PHOSPHO1: variants seen among roughly 807,000 people sequenced by gnomAD.
The protein encoded by PHOSPHO1 is phosphoethanolamine/phosphocholine phosphatase 1.
In PHOSPHO1, 6 loss-of-function variants were observed where a neutral mutation model predicts 17.7. That is an observed-to-expected ratio of 0.34 (90% confidence interval 0.19 to 0.67). The LOEUF is 0.67. Among genes scored for constraint, PHOSPHO1 ranks in the 30% least tolerant of loss-of-function variants. The pLI, the probability that PHOSPHO1 is intolerant of heterozygous loss-of-function variation, is 0.69. For synonymous variants in PHOSPHO1, 159 were observed against 174.6 expected, an observed-to-expected ratio of 0.91 and a Z score of 0.71; for missense variants, 330 against 392.1, an observed-to-expected ratio of 0.84 and a Z score of 1.34.
In PHOSPHO1 at chr17:49,223,606, A is replaced by G. The variant is rs1473257914; in HGVS notation, c.*640T>C. The G allele has an allele frequency of 6.6e-6, 1 of 152,572 alleles. No individual in the cohort carries two copies. Among genetic ancestry groups the G allele is most frequent in the South Asian group, 2.1e-4 (1 of 4,828 alleles). 9.5% of individuals were successfully genotyped at this position (152,572 alleles called of 1,614,324 possible). ...TACTGGCTGTCCGGACCCGAGCCGGACGGTGCGCTACCTCGTACCACCACC... is the reference window on the plus strand; with the variant it reads ...TACTGGCTGTCCGGACCCGAGCCGGGCGGTGCGCTACCTCGTACCACCACC... On this transcript the variant is annotated 3_prime_UTR_variant, in exon 3 of 3. Coordinates refer to ENST00000310544, the MANE Select transcript of PHOSPHO1 (RefSeq NM_178500.4).
At chr17:49,226,166 C>T (rs2043354229) in intron 2 of PHOSPHO1, among the ~76,000 whole-genome samples, 1 of 152,092 alleles carries the variant, frequency 6.6e-6, no homozygotes, top group Non-Finnish European at 1.5e-5. Context: ...AGGTGACATG[C>T]AGCTTCCAGA....
In PHOSPHO1 at chr17:49,224,556, G is replaced by T. The variant is rs1598250621; in HGVS notation, c.494C>A (p.Thr165Lys). The change falls in exon 3 of 3, where the codon ACA (threonine) becomes AAA (lysine). Residue 165 changes from threonine to lysine, a missense_variant. By Grantham distance (78) the Thr-to-Lys change is moderately conservative. Coordinates refer to ENST00000310544, the MANE Select transcript of PHOSPHO1 (RefSeq NM_178500.4). Reference sequence around the variant, plus strand: ...GGCGGGGCAGCGCGCGCAGCTGTGTGTGTGGAACGGCCGCAGAGCCAGCAG... The same window carrying T: ...GGCGGGGCAGCGCGCGCAGCTGTGTTTGTGGAACGGCCGCAGAGCCAGCAG... The part of the protein sequence containing the change: ...RGLLALRPFH[T>K]HSCARCPANM... 1 of 1,566,210 alleles carries T rather than the reference G, an allele frequency of 6.4e-7. No individual in the cohort carries two copies. The highest frequency in any genetic ancestry group is 8.6e-7 in the Non-Finnish European group (1 of 1,161,158).
intron 2 of PHOSPHO1, chr17:49,225,885 A>G: frequency 8.5e-7 from 1 of 1,171,098 alleles, no homozygotes; most frequent in Non-Finnish European, 1.1e-6. Flanking sequence ...GAGAGGGCTG[A>G]GAGGAGGTCA....
At position 49,224,838 on chromosome 17, in the gene PHOSPHO1, T is replaced by C; in HGVS notation, c.212A>G (p.Tyr71Cys). 6.2e-7 allele frequency: 1 copy of C among 1,606,224 alleles called. No individual in the cohort carries two copies. Among genetic ancestry groups the C allele is most frequent in the Non-Finnish European group, 8.5e-7 (1 of 1,176,638 alleles). Residue 71 changes from tyrosine to cysteine, a missense_variant, in exon 3 of 3, where the codon TAC becomes TGC. By Grantham distance (194) the Tyr-to-Cys change is radical. Coordinates refer to ENST00000310544, the MANE Select transcript of PHOSPHO1 (RefSeq NM_178500.4). Reference sequence around the variant, plus strand: ...CAGGTACTTGAAGACGCGCTGCATGTACTCGTTGTAGAAGCCCTCGCGGTA... The same window carrying C: ...CAGGTACTTGAAGACGCGCTGCATGCACTCGTTGTAGAAGCCCTCGCGGTA... Reference protein sequence around the residue: ...ATYREGFYNEYMQRVFKYLGE... With the variant: ...ATYREGFYNECMQRVFKYLGE...
intron 2 of PHOSPHO1, chr17:49,225,867 G>C (rs997238310): frequency 8.4e-7 from 1 of 1,186,330 alleles, no homozygotes; most frequent in South Asian, 1.5e-5. Context: ...GACTTGGGGG[G>C]TGTGGAGGAG....
At chr17:49,230,178 C>A (rs1277859751) in intron 1 of PHOSPHO1, among the ~76,000 whole-genome samples, 1 of 152,124 alleles carries the variant, frequency 6.6e-6, no homozygotes, top group Non-Finnish European at 1.5e-5. Context: ...CTCTGGCGCA[C>A]CCCCGGCTGG....
chr17:49,225,511 A>C, intron 2 of PHOSPHO1: 2 of 1,229,440 alleles, frequency 1.6e-6, no homozygotes, highest in Non-Finnish European at 2.1e-6. Context: ...CAGTTTCCTC[A>C]TTCTCCTTTT....
intron 2 of PHOSPHO1, chr17:49,225,481 A>G (rs2143561982): frequency 1.0e-6 from 1 of 985,102 alleles, no homozygotes; most frequent in Non-Finnish European, 1.2e-6. Context: ...GAAACCAACC[A>G]CCCATCCACC....
chr17:49,224,589 G>A lies in PHOSPHO1; in HGVS notation c.461C>T (p.Ala154Val). The A allele has an allele frequency of 6.4e-7, 1 of 1,565,288 alleles. No individual in the cohort carries two copies. Among genetic ancestry groups the A allele is most frequent in the Middle Eastern group, 1.7e-4 (1 of 5,792 alleles). Residue 154 changes from alanine to valine, a missense_variant, in exon 3 of 3, where the codon GCG (alanine) becomes GTG (valine). Coordinates refer to ENST00000310544, the MANE Select transcript of PHOSPHO1 (RefSeq NM_178500.4). The stretch of plus-strand genomic sequence containing the variant: ...CGGCCGCAGAGCCAGCAGTCCCCGC[G>A]CATCCGGCCCCGACGGGTTGCTGAG... The part of the protein sequence containing the change: ...RILSNPSGPD[A>V]RGLLALRPFH...
chr17:49,229,439 C>T (rs1467830509), intron 1 of PHOSPHO1, among the ~76,000 whole-genome samples: 1 of 152,226 alleles, frequency 6.6e-6, no homozygotes, highest in Admixed American at 6.5e-5. Context: ...AATTCTGCAC[C>T]GGGTCACAGA....
chr17:49,225,925 G>T (rs927284141), intron 2 of PHOSPHO1: 5 of 1,087,272 alleles, frequency 4.6e-6, no homozygotes, highest in Non-Finnish European at 5.8e-6. Context: ...CAGACTGCTG[G>T]ACAGGAAGAC....
chr17:49,227,772 C>G lies in PHOSPHO1; in HGVS notation c.-67-1014G>C, dbSNP rs180741718. ...TCTTGCGGTACTCCCTCCCTCACAA[C>G]AACCAGACCACACATGTGTTAAATC... On this transcript the variant is annotated intron_variant, in intron 1 of 2. Coordinates refer to ENST00000310544, the MANE Select transcript of PHOSPHO1 (RefSeq NM_178500.4). Among the ~76,000 whole-genome samples the G allele has an allele frequency of 1.2e-4, 18 of 152,324 alleles. No individual in the cohort carries two copies. In the East Asian group the frequency reaches 3.5e-3, roughly 29 times the overall value.
rs1437579327 is a variant in PHOSPHO1, at chr17:49,224,453, G to C, written c.597C>G (p.Phe199Leu). 36 of 1,559,592 alleles carry C rather than the reference G, an allele frequency of 2.3e-5. No individual in the cohort carries two copies. The highest frequency in any genetic ancestry group is 2.8e-5 in the Non-Finnish European group (32 of 1,154,322). Residue 199 changes from phenylalanine (F) to leucine (L), a missense_variant, in exon 3 of 3, where the codon TTC (phenylalanine) becomes TTG (leucine). By Grantham distance (22) the Phe-to-Leu change is conservative. Transcript: ENST00000310544. ...AGTCGTTGGCGCCGTCGCCCACGTA[G>C]AAGAGGCGCTCGAAGTGCACGCCGT... ...AHDGVHFERL[F>L]YVGDGANDFC...
At chr17:49,225,719 GC>G (rs1165833401) in intron 2 of PHOSPHO1, 82 of 1,287,976 alleles carry the variant, frequency 6.4e-5, no homozygotes, top group Admixed American at 4.4e-4. Context: ...CAAGCGGGCA[GC>G]AGGAGAAGCA....
At chr17:49,228,318 TCCTTCC>T (rs2043380334) in intron 1 of PHOSPHO1, among the ~76,000 whole-genome samples, 1 of 146,938 alleles carries the variant, frequency 6.8e-6, no homozygotes, top group Non-Finnish European at 1.5e-5. Flanking sequence ...CTTCCTTCCT[TCCTTCC>T]TTTTTTCTAT....
chr17:49,227,524 G>A (rs1469464199), intron 1 of PHOSPHO1, among the ~76,000 whole-genome samples: 1 of 152,216 alleles, frequency 6.6e-6, no homozygotes, highest in Non-Finnish European at 1.5e-5. Flanking sequence ...GAGACCAGAA[G>A]CAGCTGGGAC....
chr17:49,227,697 A>G (rs1418838711), intron 1 of PHOSPHO1, among the ~76,000 whole-genome samples: 2 of 152,168 alleles, frequency 1.3e-5, no homozygotes, highest in Non-Finnish European at 2.9e-5. Flanking sequence ...TCGCCCCAGG[A>G]CAGAGACGGG....
intron 2 of PHOSPHO1, 44 bp from the exon 3 acceptor site, chr17:49,225,048 G>C (rs773696511): frequency 6.9e-7 from 1 of 1,453,002 alleles, no homozygotes; most frequent in South Asian, 1.4e-5. Flanking sequence ...GGAGGAGGGG[G>C]CAAGCGAGAG....
At position 49,224,550 on chromosome 17, in the gene PHOSPHO1, CTG is replaced by C. The variant is rs746675906; in HGVS notation, c.498_499del (p.His166GlnfsTer178). ...CATGTTGGCGGGGCAGCGCGCGCAG[CTG>C]TGTGTGTGGAACGGCCGCAGAGCCA... On this transcript the variant is annotated frameshift_variant, in exon 3 of 3. Coordinates refer to ENST00000310544, the MANE Select transcript of PHOSPHO1 (RefSeq NM_178500.4). LOFTEE classifies it high-confidence loss of function. 5.1e-5 allele frequency: 80 copies of C among 1,567,380 alleles called. No individual in the cohort carries two copies. The highest frequency in any genetic ancestry group is 6.3e-5 in the Non-Finnish European group (73 of 1,161,622).
Sources: allele counts gnomAD v4.1 joint callset (sites outside exome capture counted in the v4.1 genomes callset), GRCh38; gene constraint gnomAD v4.1.1; transcripts MANE v1.5; gene names NCBI Gene and HGNC (gene_info 2026-07-23, HGNC 2026-07-21).